Variants in CSMD3 observed in about 807,000 individuals in gnomAD.
CSMD3 encodes CUB and Sushi multiple domains 3, also known as CUB and sushi domain-containing protein 3.
CSMD3 carries 177 observed loss-of-function variants against 435.2 expected under a neutral mutation model. The ratio of observed to expected loss-of-function variants is 0.41; its 90% CI spans 0.36 to 0.46. The LOEUF (loss-of-function observed/expected upper bound fraction) is 0.46. Ranked by LOEUF, CSMD3 falls within the 20% of genes least tolerant of loss-of-function variation. The pLI, the probability that CSMD3 is intolerant of heterozygous loss-of-function variation, is 0.34. For missense variants in CSMD3, 4,265 were observed against 4,504.6 expected, an observed-to-expected ratio of 0.95 and a Z score of 1.52; for synonymous variants, 1,656 against 1,520.5, an observed-to-expected ratio of 1.09 and a Z score of -2.07.
chr8:112,440,944 C>T (rs919583640), intron 32 of CSMD3, among the ~76,000 whole-genome samples: 4 of 152,280 alleles, frequency 2.6e-5, no homozygotes, highest in Non-Finnish European at 2.9e-5. Context: ...TCTGATGGGC[C>T]CTGGTGATAT....
chr8:112,270,343 A>AGTGTGTGTGTGTGTGT (rs10577337), intron 59 of CSMD3, among the ~76,000 whole-genome samples: 2 of 124,232 alleles, frequency 1.6e-5, no homozygotes, highest in Non-Finnish European at 1.7e-5. Flanking sequence ...CAGAGGGGTG[A>AGTGTGTGTGTGTGTGT]GTGTGTGTGT....
chr8:113,022,918 G>A (rs201432676), intron 5 of CSMD3, among the ~76,000 whole-genome samples: 1 of 128,798 alleles, frequency 7.8e-6, no homozygotes, highest in Non-Finnish European at 1.6e-5. Flanking sequence ...CAGAAATAAT[G>A]ATTAAATCAT....
At chr8:113,148,402 G>A (rs775872687) in intron 4 of CSMD3, among the ~76,000 whole-genome samples, 2 of 151,532 alleles carry the variant, frequency 1.3e-5, no homozygotes, top group Admixed American at 6.6e-5. Context: ...ATATGCTCTC[G>A]TAGAATACTG....
chr8:112,406,624 A>T lies in CSMD3; in HGVS notation c.5709T>A (p.Asp1903Glu), dbSNP rs1390461263. Residue 1903 changes from aspartate to glutamate, a missense_variant, in exon 35 of 71, where the codon GAT becomes GAA. Physicochemically the swap from Asp to Glu is conservative, Grantham distance 45 (BLOSUM62 2). Around this residue, in one of 3 missense-constraint regions of CSMD3, gnomAD observed 3,255 missense variants for 3,380.2 expected, o/e 0.96. Coordinates refer to ENST00000297405, the MANE Select transcript of CSMD3 (RefSeq NM_198123.2). Reference protein sequence around the residue: ...EFAVGSSVLFDCNPGYILHGS... With the variant: ...EFAVGSSVLFECNPGYILHGS... ...CATGGAGAATATATCCTGGATTACA[A>T]TCAAAAAGAACCGATGAACCGACTG... 6.2e-7 allele frequency: 1 copy of T among 1,612,954 alleles called. No homozygotes were observed. The highest frequency in any genetic ancestry group is 8.5e-7 in the Non-Finnish European group (1 of 1,179,142).
chr8:113,002,549 T>C (rs1564196673), intron 6 of CSMD3, among the ~76,000 whole-genome samples: 1 of 152,114 alleles, frequency 6.6e-6, no homozygotes, highest in Non-Finnish European at 1.5e-5. Flanking sequence ...TAAATGTCTC[T>C]ATTTGCTCAA....
At chr8:112,683,969 C>T (rs936240549) in intron 15 of CSMD3, among the ~76,000 whole-genome samples, 1 of 151,284 alleles carries the variant, frequency 6.6e-6, no homozygotes, top group Non-Finnish European at 1.5e-5. Context: ...CAGTGTAACT[C>T]TAATATAGAG....
intron 3 of CSMD3, among the ~76,000 whole-genome samples, chr8:113,183,622 C>T (rs991029200): frequency 2.6e-5 from 4 of 151,944 alleles, no homozygotes; most frequent in Admixed American, 1.3e-4. Flanking sequence ...GTTGGTTTCT[C>T]CAACCCGTAA....
intron 1 of CSMD3, among the ~76,000 whole-genome samples, chr8:113,365,750 T>C (rs1210065827): frequency 6.6e-6 from 1 of 152,064 alleles, no homozygotes; most frequent in East Asian, 1.9e-4. Flanking sequence ...ACTGTGTCTG[T>C]ATAGGTGAGT....
chr8:112,999,871 A>C (rs1373231815), intron 6 of CSMD3, among the ~76,000 whole-genome samples: 1 of 152,062 alleles, frequency 6.6e-6, no homozygotes, highest in Non-Finnish European at 1.5e-5. Flanking sequence ...GAATGAGCAG[A>C]CCATGAGAAA....
At position 112,503,782 on chromosome 8, in the gene CSMD3, A is replaced by C. The variant is rs765849324; in HGVS notation, c.5083+8T>G. The C allele has an allele frequency of 1.4e-5, 23 of 1,587,146 alleles. No homozygotes were observed. The highest frequency in any genetic ancestry group is 2.0e-5 in the Non-Finnish European group (23 of 1,156,520). On this transcript the variant is annotated splice_region_variant and intron_variant, in intron 30 of 70. Coordinates refer to ENST00000297405, the MANE Select transcript of CSMD3 (RefSeq NM_198123.2). ...ATCATGATACTAACATGGAATGTTC[A>C]TATTTACCTTTGTATTCTAGATGAA...
intron 10 of CSMD3, among the ~76,000 whole-genome samples, chr8:112,876,893 A>C (rs971524030): frequency 3.3e-5 from 5 of 152,228 alleles, no homozygotes; most frequent in African/African-American, 9.6e-5. Context: ...TTAAGCTGAT[A>C]AGCAACTTCA....
intron 9 of CSMD3, among the ~76,000 whole-genome samples, chr8:112,941,346 T>G (rs535825365): frequency 1.3e-5 from 2 of 151,922 alleles, no homozygotes; most frequent in South Asian, 2.1e-4. Flanking sequence ...ACTTTTTGTA[T>G]AAGTAGGCGA....
At chr8:113,289,984 T>C (rs2093674593) in intron 2 of CSMD3, among the ~76,000 whole-genome samples, 2 of 151,794 alleles carry the variant, frequency 1.3e-5, no homozygotes, top group Admixed American at 1.3e-4. Flanking sequence ...TTATTTTTTA[T>C]GCATTTAAAA....
At chr8:112,515,693 C>G (rs1424835967) in intron 28 of CSMD3, among the ~76,000 whole-genome samples, 1 of 151,924 alleles carries the variant, frequency 6.6e-6, no homozygotes, top group African/African-American at 2.4e-5. Flanking sequence ...AAAAGGGTCT[C>G]TAATAAATTT....
At chr8:112,803,789 T>G (rs1460427981) in intron 12 of CSMD3, among the ~76,000 whole-genome samples, 2 of 152,176 alleles carry the variant, frequency 1.3e-5, no homozygotes, top group African/African-American at 4.8e-5. Flanking sequence ...AAATAAAAGC[T>G]TCTTTTCCCT....
At chr8:113,051,184 A>G (rs533873198) in intron 5 of CSMD3, among the ~76,000 whole-genome samples, 40 of 152,146 alleles carry the variant, frequency 2.6e-4, no homozygotes, top group Non-Finnish European at 5.6e-4. Context: ...CTGTCCTACA[A>G]TGAAAAAATA....
At chr8:112,550,475 A>G (rs1827582729) in intron 27 of CSMD3, among the ~76,000 whole-genome samples, 196 bp downstream of exon 27, 1 of 151,978 alleles carries the variant, frequency 6.6e-6, no homozygotes, top group Admixed American at 6.6e-5. Flanking sequence ...AGTCTCAACA[A>G]TCAATATTCA....
chr8:112,724,787 A>C (rs1338250060), intron 13 of CSMD3, among the ~76,000 whole-genome samples: 1 of 152,026 alleles, frequency 6.6e-6, no homozygotes, highest in African/African-American at 2.4e-5. Context: ...TTGCATTAAC[A>C]TTAAGTGATC....
intron 27 of CSMD3, among the ~76,000 whole-genome samples, chr8:112,526,557 T>C (rs900878928): frequency 6.6e-6 from 1 of 152,180 alleles, no homozygotes; most frequent in South Asian, 2.1e-4. Flanking sequence ...GAATTTTGTG[T>C]ATACAACAAC....
Sources: gnomAD v4.1 joint callset for allele counts (sites outside exome capture counted in the v4.1 genomes callset) on GRCh38, gnomAD v4.1.1 for gene constraint, gnomAD v4.1.1 regional missense constraint, MANE v1.5 for transcripts, NCBI Gene and HGNC (gene_info 2026-07-23, HGNC 2026-07-21) for gene names.